The following FSTL5 variants were observed in gnomAD, a reference collection of about 807,000 sequenced individuals.
FSTL5 encodes follistatin like 5, also known as follistatin-related protein 5.
Under a neutral mutation model 89.1 loss-of-function variants are expected in FSTL5, and 62 were observed. That is an observed-to-expected ratio of 0.70 (90% CI 0.57 to 0.86). The LOEUF is 0.86. Ranked by LOEUF, FSTL5 falls within the 40% of genes least tolerant of loss-of-function variation. FSTL5 has a pLI of 0.00. For missense variants in FSTL5, 1,057 were observed against 1,001.6 expected, an observed-to-expected ratio of 1.06 and a Z score of -0.75; for synonymous variants, 383 against 346.2, an observed-to-expected ratio of 1.11 and a Z score of -1.18.
intron 5 of FSTL5, among the ~76,000 whole-genome samples, chr4:161,763,093 C>A (rs1454140469): frequency 1.3e-5 from 2 of 152,128 alleles, no homozygotes; most frequent in African/African-American, 2.4e-5. Flanking sequence ...ATGAACTATT[C>A]TCTTTACTGT....
intron 15 of FSTL5, among the ~76,000 whole-genome samples, chr4:161,411,934 T>C (rs2110938693): frequency 6.6e-6 from 1 of 152,298 alleles, no homozygotes; most frequent in East Asian, 1.9e-4. Flanking sequence ...ATTCTACAGA[T>C]AGAAAATTCT....
chr4:161,579,731 C>CAAAAAAAAAAAAAAA (rs33926609), intron 8 of FSTL5, among the ~76,000 whole-genome samples: 2 of 98,832 alleles, frequency 2.0e-5, no homozygotes, highest in African/African-American at 3.3e-5. Context: ...CAAAAACAAA[C>CAAAAAAAAAAAAAAA]AAAAAAAAAA....
intron 15 of FSTL5, chr4:161,387,068 TG>T (rs1730674499): frequency 1.3e-5 from 2 of 152,314 alleles, no homozygotes; most frequent in African/African-American, 4.8e-5. Context: ...TTGTTTGTTT[TG>T]TTGACCTTAA....
chr4:161,886,190 A>G (rs1442452843), intron 4 of FSTL5, among the ~76,000 whole-genome samples: 2 of 152,148 alleles, frequency 1.3e-5, no homozygotes, highest in African/African-American at 4.8e-5. Flanking sequence ...TGTCCTAGGG[A>G]GCAGCTTCCT....
chr4:161,897,615 A>G (rs116426415), intron 4 of FSTL5, among the ~76,000 whole-genome samples: 1,619 of 151,290 alleles, frequency 0.011, 27 homozygotes, highest in African/African-American at 0.038. Context: ...ATATATATGC[A>G]GATAATTCAG....
chr4:162,102,873 T>G (rs1008188448), intron 2 of FSTL5, among the ~76,000 whole-genome samples: 2 of 151,310 alleles, frequency 1.3e-5, no homozygotes, highest in Non-Finnish European at 2.9e-5. Context: ...CTTATTTGTG[T>G]TGAATAGATG....
intron 7 of FSTL5, among the ~76,000 whole-genome samples, chr4:161,621,997 A>T (rs1378457127): frequency 4.6e-5 from 7 of 151,874 alleles, no homozygotes. Flanking sequence ...ACTCCCTCTC[A>T]AAAAAATAAA....
intron 4 of FSTL5, among the ~76,000 whole-genome samples, chr4:161,846,314 C>A (rs1156247005): frequency 6.6e-6 from 1 of 151,814 alleles, no homozygotes; most frequent in East Asian, 1.9e-4. Flanking sequence ...TATTAAAATT[C>A]TATAATCATA....
At chr4:161,911,498 A>T (rs1733691805) in intron 4 of FSTL5, among the ~76,000 whole-genome samples, 1 of 152,146 alleles carries the variant, frequency 6.6e-6, no homozygotes. Flanking sequence ...GCATGTTCAG[A>T]TTTCAGGGGG....
intron 3 of FSTL5, among the ~76,000 whole-genome samples, chr4:162,030,081 T>C (rs1737462035): frequency 6.6e-6 from 1 of 151,996 alleles, no homozygotes; most frequent in South Asian, 2.1e-4. Flanking sequence ...TATTTATTTA[T>C]TTATTTTTTT....
chr4:162,135,593 T>C lies in FSTL5; in HGVS notation c.-16-24181A>G, dbSNP rs189756959. ...TCTCCCTGGGTCCTTTTTAGCCTCA[T>C]TGCTGTTAAGGTTAATGAATGGCCC... On this transcript the variant is annotated intron_variant, in intron 1 of 15. Coordinates refer to ENST00000306100, the MANE Select transcript of FSTL5 (RefSeq NM_020116.5). Among the ~76,000 whole-genome samples the C allele has an allele frequency of 2.6e-4, 40 of 152,214 alleles. No homozygotes were observed. The East Asian group carries it at 3.5e-3, about 13-fold the overall frequency.
At chr4:162,103,367 T>C (rs965970393) in intron 2 of FSTL5, among the ~76,000 whole-genome samples, 2 of 152,194 alleles carry the variant, frequency 1.3e-5, no homozygotes, top group African/African-American at 2.4e-5. Context: ...GTTTTCAGAT[T>C]AACTCTGTGC....
chr4:161,861,403 G>A (rs1579149711), intron 4 of FSTL5, among the ~76,000 whole-genome samples: 2 of 151,908 alleles, frequency 1.3e-5, no homozygotes, highest in South Asian at 4.2e-4. Context: ...GCCTGGGAGT[G>A]AGACTCCGTC....
chr4:161,721,428 T>C (rs1398426527), intron 6 of FSTL5, among the ~76,000 whole-genome samples: 1 of 151,964 alleles, frequency 6.6e-6, no homozygotes, highest in Non-Finnish European at 1.5e-5. Context: ...AGTTGATTAA[T>C]ATATTAATAA....
chr4:162,038,537 G>T (rs1158654661), intron 2 of FSTL5, among the ~76,000 whole-genome samples: 1 of 151,870 alleles, frequency 6.6e-6, no homozygotes, highest in Non-Finnish European at 1.5e-5. Flanking sequence ...AGCTGTAAGT[G>T]GTTCTGAAGC....
At chr4:161,773,084 T>C (rs1365811464) in intron 5 of FSTL5, among the ~76,000 whole-genome samples, 1 of 151,778 alleles carries the variant, frequency 6.6e-6, no homozygotes, top group Non-Finnish European at 1.5e-5. Context: ...AACAAAAACA[T>C]AAAGTGAGGG....
intron 7 of FSTL5, among the ~76,000 whole-genome samples, chr4:161,613,165 T>C (rs1734711494): frequency 6.6e-6 from 1 of 152,048 alleles, no homozygotes; most frequent in African/African-American, 2.4e-5. Context: ...CATTTAACAA[T>C]ATAGCAGCCA....
intron 13 of FSTL5, among the ~76,000 whole-genome samples, chr4:161,475,024 T>G (rs1198385464): frequency 6.6e-6 from 1 of 151,228 alleles, no homozygotes; most frequent in Non-Finnish European, 1.5e-5. Context: ...GATCCTTGAT[T>G]GGCTTTTTTT....
At chr4:161,912,517 G>A (rs1439617523) in intron 4 of FSTL5, among the ~76,000 whole-genome samples, 5 of 152,012 alleles carry the variant, frequency 3.3e-5, no homozygotes, top group Admixed American at 6.6e-5. Flanking sequence ...TTCTCTTGCC[G>A]CTGCCATGTA....
Sources: gnomAD v4.1 joint callset for allele counts (sites outside exome capture counted in the v4.1 genomes callset) on GRCh38, gnomAD v4.1.1 for gene constraint, MANE v1.5 for transcripts, NCBI Gene and HGNC (gene_info 2026-07-23, HGNC 2026-07-21) for gene names.